LYPLAL1: variants seen among roughly 807,000 people sequenced by gnomAD.
The protein encoded by LYPLAL1 is lysophospholipase like 1.
Under a neutral mutation model 19.7 loss-of-function variants are expected in LYPLAL1, and 23 were observed. The observed-to-expected ratio is 1.17, with a 90% CI of 0.84 to 1.65. The LOEUF is 1.65. Among genes scored for constraint, LYPLAL1 ranks in the 40% most tolerant of loss-of-function variants. LYPLAL1 has a pLI of 0.00. For synonymous variants in LYPLAL1, 119 were observed against 96.3 expected (o/e 1.24, Z -1.38); for missense variants, 355 against 279.4 (o/e 1.27, Z -1.93).
chr1:219,395,816 A>G, the LYPLAL1 span, among the ~76,000 whole-genome samples: 2 of 152,210 alleles, frequency 1.3e-5, no homozygotes, highest in South Asian at 2.1e-4. Flanking sequence ...GAAGGGGTCC[A>G]GTTTTGGCTG....
chr1:219,363,363 A>G, the LYPLAL1 span, among the ~76,000 whole-genome samples: 3 of 152,168 alleles, frequency 2.0e-5, no homozygotes. Context: ...CAGTACGTAA[A>G]ATATTTTATA....
chr1:219,216,251 C>T (rs961844921), downstream of LYPLAL1, among the ~76,000 whole-genome samples: 1 of 151,624 alleles, frequency 6.6e-6, no homozygotes, highest in Non-Finnish European at 1.5e-5. Flanking sequence ...TATTTTTATT[C>T]TCATTAAGGG....
chr1:219,299,140 C>CTTTTTTTTTTTTT, the LYPLAL1 span, among the ~76,000 whole-genome samples: 4 of 129,494 alleles, frequency 3.1e-5, no homozygotes, highest in Non-Finnish European at 4.8e-5. Context: ...CCTCCCCCAG[C>CTTTTTTTTTTTTT]TTTTTTTTTT....
chr1:219,210,992 A>G (rs1658990834), intron 4 of LYPLAL1, among the ~76,000 whole-genome samples: 1 of 152,154 alleles, frequency 6.6e-6, no homozygotes. Flanking sequence ...TGAACATAAA[A>G]CAAAAATCAA....
downstream of LYPLAL1, among the ~76,000 whole-genome samples, chr1:219,217,379 GGTGT>G (rs371579948): frequency 1.7e-4 from 23 of 134,138 alleles, no homozygotes; most frequent in African/African-American, 5.3e-4. Context: ...TGCCAGGTTT[GGTGT>G]GTGTGTGTGT....
chr1:219,274,247 A>G, the LYPLAL1 span, among the ~76,000 whole-genome samples: 1 of 152,222 alleles, frequency 6.6e-6, no homozygotes, highest in Non-Finnish European at 1.5e-5. Context: ...ACAGAAGGAA[A>G]TCACACTGAT....
chr1:219,261,611 C>T, the LYPLAL1 span, among the ~76,000 whole-genome samples: 2 of 152,136 alleles, frequency 1.3e-5, no homozygotes, highest in Admixed American at 1.3e-4. Flanking sequence ...CTTTATCTCT[C>T]CTTCGTTTAT....
chr1:219,283,193 C>T, the LYPLAL1 span, among the ~76,000 whole-genome samples: 5 of 152,116 alleles, frequency 3.3e-5, no homozygotes, highest in East Asian at 1.9e-4. Context: ...TGCTCTTATC[C>T]GGCACCCAGT....
the LYPLAL1 span, among the ~76,000 whole-genome samples, chr1:219,312,680 G>T: frequency 2.0e-5 from 3 of 152,172 alleles, no homozygotes; most frequent in African/African-American, 7.2e-5. Context: ...TGGGCACCTT[G>T]TCTGTTTTTT....
the LYPLAL1 span, among the ~76,000 whole-genome samples, chr1:219,295,748 T>C: frequency 2.6e-5 from 4 of 152,212 alleles, no homozygotes; most frequent in Admixed American, 6.5e-5. Flanking sequence ...AACACCATCA[T>C]TGTTGCTCAT....
chr1:219,373,261 T>A, the LYPLAL1 span, among the ~76,000 whole-genome samples: 1 of 152,232 alleles, frequency 6.6e-6, no homozygotes, highest in Admixed American at 6.5e-5. Flanking sequence ...CTGCACTACA[T>A]GCACATGTAA....
chr1:219,380,342 A>G, the LYPLAL1 span, among the ~76,000 whole-genome samples: 1 of 152,180 alleles, frequency 6.6e-6, no homozygotes, highest in Non-Finnish European at 1.5e-5. Context: ...GATGAATAGA[A>G]ACAGCCCCAG....
At chr1:219,405,972 T>C in the LYPLAL1 span, among the ~76,000 whole-genome samples, 1 of 152,204 alleles carries the variant, frequency 6.6e-6, no homozygotes, top group African/African-American at 2.4e-5. Context: ...GCCTTGCAAG[T>C]CTACTTATAA....
the LYPLAL1 span, among the ~76,000 whole-genome samples, chr1:219,440,623 T>TA: frequency 6.6e-6 from 1 of 152,118 alleles, no homozygotes; most frequent in African/African-American, 2.4e-5. Context: ...GCTATAGAAA[T>TA]AAAAACAATT....
the LYPLAL1 span, among the ~76,000 whole-genome samples, chr1:219,265,319 G>C: frequency 0.47 from 71,360 of 151,982 alleles, 17,142 homozygotes; most frequent in East Asian, 0.66. Flanking sequence ...ACAGATCCAG[G>C]TCCCATAAAA....
At chr1:219,275,525 T>C in the LYPLAL1 span, among the ~76,000 whole-genome samples, 1 of 152,206 alleles carries the variant, frequency 6.6e-6, no homozygotes, top group African/African-American at 2.4e-5. Flanking sequence ...TAAGTTGATT[T>C]GCCATTATCA....
At chr1:219,309,515 C>T in the LYPLAL1 span, among the ~76,000 whole-genome samples, 1 of 152,046 alleles carries the variant, frequency 6.6e-6, no homozygotes, top group African/African-American at 2.4e-5. Flanking sequence ...AACTGTACTC[C>T]CATAATTCCC....
chr1:219,174,259 A>C, intron 1 of LYPLAL1: 2 of 1,326,480 alleles, frequency 1.5e-6, no homozygotes, highest in South Asian at 1.7e-5. Context: ...CCCACAACAC[A>C]CCTCCCCATT....
At chr1:219,222,897 G>T in the LYPLAL1 span, 1 of 152,130 alleles carries the variant, frequency 6.6e-6, no homozygotes, top group African/African-American at 2.4e-5. Context: ...GTGGAATGGA[G>T]AAGGCAAAAG....
Sources: gnomAD v4.1 joint callset for allele counts (sites outside exome capture counted in the v4.1 genomes callset) on GRCh38, gnomAD v4.1.1 for gene constraint, MANE v1.5 for transcripts, NCBI Gene and HGNC (gene_info 2026-07-23, HGNC 2026-07-21) for gene names.